Variants in NOPCHAP1 observed in about 807,000 individuals in gnomAD.
NOPCHAP1 encodes DNA damage-sensitive RNA 1.
NOPCHAP1 carries 13 observed loss-of-function variants against 14.0 expected under a neutral mutation model. The ratio of observed to expected loss-of-function variants is 0.93; its 90% CI spans 0.60 to 1.47. The LOEUF (loss-of-function observed/expected upper bound fraction) is 1.47, where lower values mean the gene tolerates loss of function less well. Among genes scored for constraint, NOPCHAP1 ranks in the 40% most tolerant of loss-of-function variants. The pLI is 0.00. For missense variants in NOPCHAP1, 230 were observed against 226.9 expected, an observed-to-expected ratio of 1.01 and a Z score of -0.09; for synonymous variants, 78 against 78.4, an observed-to-expected ratio of 1.00 and a Z score of 0.03.
chr12:104,994,395 T>G, intron 3 of NOPCHAP1, 83 bp from the exon 4 acceptor site: 5 of 1,215,906 alleles, frequency 4.1e-6, no homozygotes, highest in African/African-American at 1.5e-5. Flanking sequence ...GTTTGCTGAA[T>G]GTTGGTTCTT....
At position 105,002,998 on chromosome 12, in the gene NOPCHAP1, G is replaced by A. The variant is rs1873639682; in HGVS notation, c.*8302G>A. On this transcript the variant is annotated 3_prime_UTR_variant, in exon 4 of 4. Coordinates refer to ENST00000552951, the MANE Select transcript of NOPCHAP1 (RefSeq NM_152318.3). The stretch of plus-strand genomic sequence containing the variant: ...ATTAGACTCAGAGTATTGAGGTAAA[G>A]ATGGGTAAAGAGAAAGAACAAAACA... 6.6e-6 allele frequency: 1 copy of A among 152,188 alleles called. No individual in the cohort carries two copies. The highest frequency in any genetic ancestry group is 1.5e-5 in the Non-Finnish European group (1 of 68,034). The allele number at this position is 152,188 out of a possible 1,614,324, so 9.4% of individuals were successfully genotyped here. A position where few individuals can be genotyped will look rare whatever the true frequency, so the allele number is the denominator to read the frequency against.
rs745328959 is a variant in NOPCHAP1, at chr12:104,988,267, CCCCTCTCTCA to C, written c.202+23_202+32del. 14 of 1,581,290 alleles carry C rather than the reference CCCCTCTCTCA, an allele frequency of 8.9e-6. No homozygotes were observed. Among genetic ancestry groups the C allele is most frequent in the Non-Finnish European group, 6.9e-6 (8 of 1,152,242 alleles). On this transcript the variant is annotated intron_variant, in intron 2 of 3. Coordinates refer to ENST00000552951, the MANE Select transcript of NOPCHAP1 (RefSeq NM_152318.3). ...AGAGGAGTCCCTGTAAGTACCTCTT[CCCCTCTCTCA>C]CCCTCTCTAATGCTGAGTTTTGTCT...
Position 105,005,975 on chromosome 12 carries a change from C to T in NOPCHAP1, c.*11279C>T, listed in dbSNP as rs1330740561. Reference sequence around the variant, plus strand: ...ATCGTCTGGCACTGTGGCTCAGAAGCATTCATCTCCATCAAGCTGTCTTCT... The same window carrying T: ...ATCGTCTGGCACTGTGGCTCAGAAGTATTCATCTCCATCAAGCTGTCTTCT... On this transcript the variant is annotated 3_prime_UTR_variant, in exon 4 of 4. Transcript: ENST00000552951. 6.6e-6 allele frequency: 1 copy of T among 152,328 alleles called. No individual in the cohort carries two copies. The highest frequency in any genetic ancestry group is 1.5e-5 in the Non-Finnish European group (1 of 68,038). 9.4% of individuals were successfully genotyped at this position (152,328 alleles called of 1,614,324 possible).
chr12:105,015,316 T>G lies in NOPCHAP1; in HGVS notation c.*20620T>G, dbSNP rs1259499206. The G allele has an allele frequency of 6.6e-6, 1 of 152,270 alleles. No individual in the cohort carries two copies. The highest frequency in any genetic ancestry group is 1.5e-5 in the Non-Finnish European group (1 of 68,050). 9.4% of individuals were successfully genotyped at this position (152,270 alleles called of 1,614,324 possible). On this transcript the variant is annotated 3_prime_UTR_variant, in exon 4 of 4. Transcript: ENST00000552951. ...CAGTTGCATTTGTCTGTTTCACTAC[T>G]TAGCATAGTGTGTGGTGCACAGTAG...
chr12:104,988,939 G>A (rs1270051414), intron 2 of NOPCHAP1, among the ~76,000 whole-genome samples: 1 of 151,940 alleles, frequency 6.6e-6, no homozygotes, highest in Non-Finnish European at 1.5e-5. Context: ...ACCAGTTTTT[G>A]TGGATATAGG....
chr12:104,995,964 A>C lies in NOPCHAP1; in HGVS notation c.*1268A>C, dbSNP rs1418606501. ...TGACCTGCCAAAGTGTTGGGATTAC[A>C]GGCATGAGCCACCGTGCCCGGCTGG... On this transcript the variant is annotated 3_prime_UTR_variant, in exon 4 of 4. Coordinates refer to ENST00000552951, the MANE Select transcript of NOPCHAP1 (RefSeq NM_152318.3). 6.6e-6 allele frequency: 1 copy of C among 152,054 alleles called. No individual in the cohort carries two copies. The highest frequency in any genetic ancestry group is 1.5e-5 in the Non-Finnish European group (1 of 68,052). 9.4% of individuals were successfully genotyped at this position (152,054 alleles called of 1,614,324 possible). A position where few individuals can be genotyped will look rare whatever the true frequency, so the allele number is the denominator to read the frequency against.
At position 105,007,535 on chromosome 12, in the gene NOPCHAP1, C is replaced by G. The variant is rs184990152; in HGVS notation, c.*12839C>G. 6.6e-6 allele frequency: 1 copy of G among 152,232 alleles called. No individual in the cohort carries two copies. The highest frequency in any genetic ancestry group is 1.9e-4 in the East Asian group (1 of 5,174). 9.4% of individuals were successfully genotyped at this position (152,232 alleles called of 1,614,324 possible). ...TATTGCACTAAAGACGAAGAACATG[C>G]GATAACCATAAGAGATCACTTGCAG... On this transcript the variant is annotated 3_prime_UTR_variant, in exon 4 of 4. Transcript: ENST00000552951.
Position 104,986,369 on chromosome 12 carries a change from A to T in NOPCHAP1, c.17A>T (p.Lys6Met). The T allele has an allele frequency of 6.2e-7, 1 of 1,610,418 alleles. No individual in the cohort carries two copies. Among genetic ancestry groups the T allele is most frequent in the Non-Finnish European group, 8.5e-7 (1 of 1,178,530 alleles). ...GAGGGAAGCATGGAGGTCCATGGCA[A>T]GCCCAAGGCTAGCCCGAGTTGTTCG... MEVHG[K>M]PKASPSCSSP... Residue 6 changes from lysine (K) to methionine (M), a missense_variant, in exon 1 of 4, where the codon AAG (lysine) becomes ATG (methionine). Coordinates refer to ENST00000552951, the MANE Select transcript of NOPCHAP1 (RefSeq NM_152318.3).
rs921084958 is a variant in NOPCHAP1 at position 104,997,454 on chromosome 12, A to G, written c.*2758A>G. 1.3e-5 allele frequency: 2 copies of G among 152,276 alleles called. No individual in the cohort carries two copies. Among genetic ancestry groups the G allele is most frequent in the East Asian group, 1.9e-4 (1 of 5,202 alleles). 9.4% of individuals were successfully genotyped at this position (152,276 alleles called of 1,614,324 possible). ...ATGTATACATATGTAACTAACCAGC[A>G]CATTGTGCACATGTACCCTAAAACT... On this transcript the variant is annotated 3_prime_UTR_variant, in exon 4 of 4. Transcript: ENST00000552951.
rs1413654275 is a variant in NOPCHAP1 at position 104,988,270 on chromosome 12, C to G, written c.202+17C>G. On this transcript the variant is annotated intron_variant, in intron 2 of 3. Transcript: ENST00000552951. ...GGAGTCCCTGTAAGTACCTCTTCCC[C>G]TCTCTCACCCTCTCTAATGCTGAGT... 9 of 1,551,320 alleles carry G rather than the reference C, an allele frequency of 5.8e-6. No homozygotes were observed. The highest frequency in any genetic ancestry group is 8.0e-6 in the Non-Finnish European group (9 of 1,126,502).
At chr12:104,986,518 C>T in intron 1 of NOPCHAP1, 51 bp downstream of exon 1, 1 of 1,468,972 alleles carries the variant, frequency 6.8e-7, no homozygotes, top group Non-Finnish European at 9.2e-7. Context: ...GCAGAGGAGG[C>T]GCGGCCGGTG....
rs1365162595 is a variant in NOPCHAP1 at position 105,007,049 on chromosome 12, A to G, written c.*12353A>G. On this transcript the variant is annotated 3_prime_UTR_variant, in exon 4 of 4. Transcript: ENST00000552951. ...TGACTTTTTTTTTTTTTTTAAGTCA[A>G]ACCTCTAAAATTATCAAAGCATCTT... 4.6e-5 allele frequency: 7 copies of G among 151,310 alleles called. No individual in the cohort carries two copies. Among genetic ancestry groups the G allele is most frequent in the Admixed American group, 3.9e-4 (6 of 15,220 alleles). 9.4% of individuals were successfully genotyped at this position (151,310 alleles called of 1,614,324 possible).
Position 104,994,813 on chromosome 12 carries a change from A to C in NOPCHAP1, c.*117A>C, listed in dbSNP as rs558383747. The C allele has an allele frequency of 1.2e-6, 1 of 866,810 alleles. No individual in the cohort carries two copies. The highest frequency in any genetic ancestry group is 1.5e-5 in the South Asian group (1 of 65,116). The allele number at this position is 866,810 out of a possible 1,614,324, so 53.7% of individuals were successfully genotyped here. On this transcript the variant is annotated 3_prime_UTR_variant, in exon 4 of 4. Transcript: ENST00000552951. ...ACCTATGGTGCTTTTATATGTTAAA[A>C]ACTTTAGACAAGTTAAATTTGACAG... is the stretch of plus-strand genomic sequence containing the variant.
rs1279378290 is a variant in NOPCHAP1 at position 105,016,373 on chromosome 12, A to C, written c.*21677A>C. The C allele has an allele frequency of 6.6e-6, 1 of 152,236 alleles. No homozygotes were observed. The highest frequency in any genetic ancestry group is 1.5e-5 in the Non-Finnish European group (1 of 68,046). 9.4% of individuals were successfully genotyped at this position (152,236 alleles called of 1,614,324 possible). On this transcript the variant is annotated 3_prime_UTR_variant, in exon 4 of 4. Transcript: ENST00000552951. ...TGTGTTAGCTACTAGTCTAAGAGTT[A>C]CCACCACTCATACATATGTAAAGGC...
Position 105,005,251 on chromosome 12 carries a change from C to T in NOPCHAP1, c.*10555C>T, listed in dbSNP as rs1873684740. ...GCAAATCAATGAAAGGATGAAGCAACAAAAGCACAGATTTGTTGAAATGAA... is the reference window on the plus strand; with the variant it reads ...GCAAATCAATGAAAGGATGAAGCAATAAAAGCACAGATTTGTTGAAATGAA... On this transcript the variant is annotated 3_prime_UTR_variant, in exon 4 of 4. Transcript: ENST00000552951. 1 of 152,156 alleles carries T rather than the reference C, an allele frequency of 6.6e-6. No homozygotes were observed. Among genetic ancestry groups the T allele is most frequent in the Non-Finnish European group, 1.5e-5 (1 of 68,018 alleles). 9.4% of individuals were successfully genotyped at this position (152,156 alleles called of 1,614,324 possible).
chr12:105,004,782 T>C lies in NOPCHAP1; in HGVS notation c.*10086T>C, dbSNP rs1270633100. On this transcript the variant is annotated 3_prime_UTR_variant, in exon 4 of 4. Transcript: ENST00000552951. ...GTTAGGGTGCTGACCCCCTTTGTGG[T>C]CAAAAATCTATGTATAACTTTTGAC... 3 of 152,184 alleles carry C rather than the reference T, an allele frequency of 2.0e-5. No individual in the cohort carries two copies. The highest frequency in any genetic ancestry group is 4.4e-5 in the Non-Finnish European group (3 of 68,028). 9.4% of individuals were successfully genotyped at this position (152,184 alleles called of 1,614,324 possible).
intron 3 of NOPCHAP1, among the ~76,000 whole-genome samples, chr12:104,993,488 G>A (rs542703176): frequency 5.3e-5 from 8 of 152,256 alleles, no homozygotes; most frequent in African/African-American, 1.2e-4. Flanking sequence ...TCTAGAGCAT[G>A]CTCTTCCCCC....
chr12:104,988,543 T>C (rs1009955180), intron 2 of NOPCHAP1, among the ~76,000 whole-genome samples: 1 of 152,214 alleles, frequency 6.6e-6, no homozygotes. Flanking sequence ...TTACTGAGCC[T>C]CAAACTTAAT....
chr12:104,986,546 G>C (rs1242672321), intron 1 of NOPCHAP1, 79 bp downstream of exon 1: 1 of 1,217,660 alleles, frequency 8.2e-7, no homozygotes, highest in Non-Finnish European at 1.1e-6. Context: ...GGAGCCGGCC[G>C]GTGGCTCCCT....
Sources: gnomAD v4.1 joint callset for allele counts (sites outside exome capture counted in the v4.1 genomes callset) on GRCh38, gnomAD v4.1.1 for gene constraint, MANE v1.5 for transcripts, NCBI Gene and HGNC (gene_info 2026-07-23, HGNC 2026-07-21) for gene names.